Variants in DENND11 observed in about 807,000 individuals in gnomAD.
DENND11 encodes the protein DENN domain-containing protein 11.
Under a neutral mutation model 49.2 loss-of-function variants are expected in DENND11, and 34 were observed. The ratio of observed to expected loss-of-function variants is 0.69; its 90% CI spans 0.53 to 0.92. The LOEUF (loss-of-function observed/expected upper bound fraction) is 0.92. Among genes scored for constraint, DENND11 ranks in the 40% least tolerant of loss-of-function variants. The pLI is 0.00. For missense variants in DENND11, 475 were observed against 581.6 expected (o/e 0.82, Z 1.88); for synonymous variants, 238 against 230.3 (o/e 1.03, Z -0.30).
At chr7:141,666,566 C>T (rs1384885258) in intron 4 of DENND11, 141 bp from the exon 5 acceptor site, 2 of 810,606 alleles carry the variant, frequency 2.5e-6, no homozygotes, top group Non-Finnish European at 3.6e-6. Flanking sequence ...TTTCCACACA[C>T]AATGATGTTT....
In DENND11 at chr7:141,656,974, C is replaced by T. The variant is rs1797705529; in HGVS notation, c.*5682G>A. The T allele has an allele frequency of 6.5e-6, 1 of 152,682 alleles. No individual in the cohort carries two copies. Among genetic ancestry groups the T allele is most frequent in the African/African-American group, 2.4e-5 (1 of 41,414 alleles). 9.5% of individuals were successfully genotyped at this position (152,682 alleles called of 1,614,324 possible). On this transcript the variant is annotated 3_prime_UTR_variant, in exon 9 of 9. Coordinates refer to ENST00000536163, the MANE Select transcript of DENND11 (RefSeq NM_001080392.2). Reference sequence around the variant, plus strand: ...GAGAGCACGGCATACCTGGGCACACCAGTATTCAGGGCAAAATCTATGCAG... The same window carrying T: ...GAGAGCACGGCATACCTGGGCACACTAGTATTCAGGGCAAAATCTATGCAG...
chr7:141,686,801 G>A, intron 1 of DENND11, 143 bp from the exon 2 acceptor site: 1 of 626,824 alleles, frequency 1.6e-6, no homozygotes, highest in Non-Finnish European at 2.8e-6. Context: ...TCAGAGCTCA[G>A]CCCCTCCATC....
intron 3 of DENND11, among the ~76,000 whole-genome samples, chr7:141,675,590 T>C (rs1271763607): frequency 6.6e-6 from 1 of 152,132 alleles, no homozygotes; most frequent in African/African-American, 2.4e-5. Context: ...TGATTAAAAA[T>C]AGGCACTCCC....
chr7:141,675,750 G>A (rs1798053231), intron 3 of DENND11, among the ~76,000 whole-genome samples: 1 of 151,642 alleles, frequency 6.6e-6, no homozygotes, highest in South Asian at 2.1e-4. Flanking sequence ...ATGTCAAAGT[G>A]ATGACAAGAG....
intron 3 of DENND11, among the ~76,000 whole-genome samples, chr7:141,685,178 C>A (rs1798219436): frequency 6.6e-6 from 1 of 151,538 alleles, no homozygotes; most frequent in East Asian, 1.9e-4. Context: ...ACTATTGCGG[C>A]TTTGCATAAA....
intron 4 of DENND11, among the ~76,000 whole-genome samples, chr7:141,668,850 T>C (rs146130629): frequency 4.0e-5 from 6 of 150,762 alleles, no homozygotes; most frequent in Non-Finnish European, 8.9e-5. Context: ...TTTCCCTTTT[T>C]CCAGCCTTGT....
In DENND11 at chr7:141,687,654, G is replaced by A. The variant is rs181252083; in HGVS notation, c.269-996C>T. On this transcript the variant is annotated intron_variant, in intron 1 of 8. Coordinates refer to ENST00000536163, the MANE Select transcript of DENND11 (RefSeq NM_001080392.2). ...TAATTTTTTTTTTTTTTTTTTTTGA[G>A]ACAGAGTCTTGCTCTTGTCACCCAG... 8.6e-3 allele frequency among the ~76,000 whole-genome samples: 549 copies of A among 63,938 alleles called. 9 individuals are homozygous for A. Among genetic ancestry groups the A allele is most frequent in the African/African-American group, 0.02 (516 of 25,944 alleles). 41.9% of individuals were successfully genotyped at this position (63,938 alleles called of 152,430 possible).
intron 3 of DENND11, among the ~76,000 whole-genome samples, chr7:141,684,529 T>TATGAGAGGATTTTTAAAA (rs1207179839): frequency 2.0e-5 from 3 of 152,192 alleles, no homozygotes; most frequent in African/African-American, 7.2e-5. Flanking sequence ...AGTGTTAATA[T>TATGAGAGGATTTTTAAAA]ATGAGAGGAT....
At position 141,685,342 on chromosome 7, in the gene DENND11, C is replaced by G. The variant is rs192203959; in HGVS notation, c.527+136G>C. The G allele has an allele frequency of 5.4e-4, 585 of 1,077,538 alleles. 5 individuals carry two copies. In the African/African-American group the frequency reaches 7.8e-3, roughly 14 times the overall value. 66.7% of individuals were successfully genotyped at this position (1,077,538 alleles called of 1,614,324 possible). ...TGAAACGAAAGGACACCACCCGAGG[C>G]GTGAAACATCGCCATGGATGTTCTT... On this transcript the variant is annotated intron_variant, in intron 3 of 8. Coordinates refer to ENST00000536163, the MANE Select transcript of DENND11 (RefSeq NM_001080392.2).
chr7:141,669,848 C>T (rs1485731830), intron 4 of DENND11, among the ~76,000 whole-genome samples: 6 of 122,178 alleles, frequency 4.9e-5, no homozygotes, highest in East Asian at 4.9e-4. Flanking sequence ...GTCTCGCTGT[C>T]GCCCAGGCTG....
intron 7 of DENND11, 117 bp from the exon 8 acceptor site, chr7:141,664,357 G>C: frequency 1.3e-6 from 1 of 744,692 alleles, no homozygotes; most frequent in East Asian, 2.7e-5. Flanking sequence ...CACCAGCCAG[G>C]AAAGGGATCA....
intron 1 of DENND11, among the ~76,000 whole-genome samples, chr7:141,691,374 G>T (rs1798324953): frequency 6.6e-6 from 1 of 152,194 alleles, no homozygotes; most frequent in Admixed American, 6.5e-5. Flanking sequence ...AAAAGAAATA[G>T]ACTCCTATCT....
chr7:141,675,560 G>A (rs1798050887), intron 3 of DENND11, among the ~76,000 whole-genome samples: 1 of 152,136 alleles, frequency 6.6e-6, no homozygotes, highest in Admixed American at 6.6e-5. Context: ...CCCTAATTAT[G>A]GTTGGCCCTG....
At chr7:141,669,955 C>T (rs1020692841) in intron 4 of DENND11, among the ~76,000 whole-genome samples, 1 of 150,868 alleles carries the variant, frequency 6.6e-6, no homozygotes, top group Non-Finnish European at 1.5e-5. Context: ...GGACTACAGG[C>T]GCCCGCCACC....
At chr7:141,663,543 T>C (rs957600729) in intron 8 of DENND11, 1 of 8,680 alleles carries the variant, frequency 1.2e-4, no homozygotes, top group Non-Finnish European at 1.7e-4. Context: ...CTAAACAGGA[T>C]GTAGGTTTTA....
rs1033661313 is a variant in DENND11 at position 141,661,990 on chromosome 7, T to C, written c.*666A>G. 1 of 152,202 alleles carries C rather than the reference T, an allele frequency of 6.6e-6. No homozygotes were observed. The allele number at this position is 152,202 out of a possible 1,614,324, so 9.4% of individuals were successfully genotyped here. ...ATTGCATGGCCACCATCAAGTTACT[T>C]TGAGGAAGGTTTCCAGGCTTCATTC... On this transcript the variant is annotated 3_prime_UTR_variant, in exon 9 of 9. Transcript: ENST00000536163.
At chr7:141,664,862 G>A in intron 7 of DENND11, 42 bp downstream of exon 7, 2 of 1,582,362 alleles carry the variant, frequency 1.3e-6, no homozygotes, top group South Asian at 1.2e-5. Context: ...GAGCTGCCCT[G>A]AGGAGGGTGG....
intron 1 of DENND11, among the ~76,000 whole-genome samples, chr7:141,695,676 C>T (rs1798401234): frequency 6.6e-6 from 1 of 152,214 alleles, no homozygotes; most frequent in South Asian, 2.1e-4. Flanking sequence ...AGCCAGGGAG[C>T]TGGGGCCTGG....
intron 7 of DENND11, 95 bp from the exon 8 acceptor site, chr7:141,664,335 C>G: frequency 1.1e-6 from 1 of 910,762 alleles, no homozygotes; most frequent in African/African-American, 1.6e-5. Flanking sequence ...GCCACCACCT[C>G]CCAGGAAGCA....
Sources: allele counts gnomAD v4.1 joint callset (sites outside exome capture counted in the v4.1 genomes callset), GRCh38; gene constraint gnomAD v4.1.1; transcripts MANE v1.5; gene names NCBI Gene and HGNC (gene_info 2026-07-23, HGNC 2026-07-21).